The following L3MBTL3 variants were observed in gnomAD, a reference collection of about 807,000 sequenced individuals.
The protein encoded by L3MBTL3 is L3MBTL histone methyl-lysine binding protein 3.
In L3MBTL3, 27 loss-of-function variants were observed where a neutral mutation model predicts 102.3. That is an observed-to-expected ratio of 0.26 (90% CI 0.19 to 0.36). The LOEUF (loss-of-function observed/expected upper bound fraction) is 0.36, where lower values mean the gene tolerates loss of function less well. Among genes scored for constraint, L3MBTL3 ranks in the 10% least tolerant of loss-of-function variants. The probability of loss-of-function intolerance (pLI) is 1.00; values close to 1 mark genes in which losing one functional copy is unlikely to be tolerated. For synonymous variants in L3MBTL3, 340 were observed against 320.9 expected, an observed-to-expected ratio of 1.06 and a Z score of -0.64; for missense variants, 798 against 955.3, an observed-to-expected ratio of 0.84 and a Z score of 2.17.
intron 12 of L3MBTL3, among the ~76,000 whole-genome samples, chr6:130,068,651 A>G (rs868036230): frequency 6.6e-6 from 1 of 152,224 alleles, no homozygotes; most frequent in East Asian, 1.9e-4. Context: ...ACAAGATAGT[A>G]CAAGATTCAG....
At chr6:130,137,934 A>T (rs953141586) in intron 22 of L3MBTL3, 6 of 152,208 alleles carry the variant, frequency 3.9e-5, no homozygotes, top group African/African-American at 1.4e-4. Context: ...ACAGGAGAAC[A>T]TTTCTCATAC....
intron 20 of L3MBTL3, among the ~76,000 whole-genome samples, chr6:130,122,844 C>T (rs576131363): frequency 6.6e-6 from 1 of 152,178 alleles, no homozygotes; most frequent in Non-Finnish European, 1.5e-5. Flanking sequence ...TCAGTTTCGT[C>T]TTGTGTAAAA....
At chr6:130,112,096 G>A (rs976039142) in intron 19 of L3MBTL3, among the ~76,000 whole-genome samples, 3 of 152,058 alleles carry the variant, frequency 2.0e-5, no homozygotes, top group African/African-American at 7.2e-5. Flanking sequence ...CTTTCCTCAG[G>A]GAAGCTTTAT....
chr6:130,071,041 A>C lies in L3MBTL3; in HGVS notation c.1158A>C (p.Ser386=), dbSNP rs757580564. The part of the protein sequence containing the change: ...KLEAVDKKNP[S]FICVATVTDM... ...AGGCAGTAGACAAAAAGAATCCCTC[A>C]TTCATCTGTGTTGCTACGGTAACAG... is the stretch of plus-strand genomic sequence containing the variant. The change falls in exon 13 of 23, where the codon TCA becomes TCC. Residue 386 remains serine (S), a synonymous_variant. Transcript: ENST00000361794. 1 of 1,613,274 alleles carries C rather than the reference A, an allele frequency of 6.2e-7. No homozygotes were observed. Among genetic ancestry groups the C allele is most frequent in the South Asian group, 1.1e-5 (1 of 91,050 alleles).
At chr6:130,087,313 A>G (rs1783747000) in intron 16 of L3MBTL3, among the ~76,000 whole-genome samples, 2 of 152,274 alleles carry the variant, frequency 1.3e-5, no homozygotes, top group South Asian at 4.1e-4. Flanking sequence ...TGTGCTAACC[A>G]TATTTTCAAG....
Position 130,042,741 on chromosome 6 carries a change from T to C in L3MBTL3, c.42T>C (p.Asp14=), listed in dbSNP as rs1236495288. Residue 14 remains aspartate, a synonymous_variant, in exon 3 of 23, where the codon GAT becomes GAC. Coordinates refer to ENST00000361794, the MANE Select transcript of L3MBTL3 (RefSeq NM_032438.4). ...SASSTSGQEF[D]VFSVMDWKDG... The stretch of plus-strand genomic sequence containing the variant: ...CTAGCACAAGTGGTCAAGAGTTTGA[T>C]GTGTTCAGTGTTATGGACTGGAAAG... 3.1e-6 allele frequency: 5 copies of C among 1,613,790 alleles called. No individual in the cohort carries two copies. The highest frequency in any genetic ancestry group is 4.2e-6 in the Non-Finnish European group (5 of 1,179,754).
At chr6:130,139,472 A>G (rs965905220) in intron 22 of L3MBTL3, 138 bp from the exon 23 acceptor site, 14 of 728,588 alleles carry the variant, frequency 1.9e-5, no homozygotes, top group Non-Finnish European at 3.0e-5. Flanking sequence ...ATATCAAGAA[A>G]TGTCATTGCA....
intron 6 of L3MBTL3, among the ~76,000 whole-genome samples, 195 bp downstream of exon 6, chr6:130,051,603 T>C (rs1024022009): frequency 4.6e-5 from 7 of 152,154 alleles, no homozygotes; most frequent in African/African-American, 1.7e-4. Context: ...CTGGTCTGAG[T>C]TGTATTACTA....
intron 3 of L3MBTL3, among the ~76,000 whole-genome samples, chr6:130,048,611 GT>G (rs1421692715): frequency 6.6e-6 from 1 of 152,208 alleles, no homozygotes; most frequent in Non-Finnish European, 1.5e-5. Flanking sequence ...CATGTAGCTA[GT>G]AGACTACTTG....
At position 130,051,133 on chromosome 6, in the gene L3MBTL3, G is replaced by T. The variant is rs530208417; in HGVS notation, c.290-116G>T. 11 of 788,286 alleles carry T rather than the reference G, an allele frequency of 1.4e-5. No homozygotes were observed. In the South Asian group the frequency reaches 2.0e-4, roughly 14 times the overall value. 48.8% of individuals were successfully genotyped at this position (788,286 alleles called of 1,614,324 possible). A position where few individuals can be genotyped will look rare whatever the true frequency, so the allele number is the denominator to read the frequency against. On this transcript the variant is annotated intron_variant, in intron 5 of 22. Coordinates refer to ENST00000361794, the MANE Select transcript of L3MBTL3 (RefSeq NM_032438.4). ...TATCATTTGATCATTCATTCATTCAGCAAACACTATTCTTTATTGTGTTGC... is the reference window on the plus strand; with the variant it reads ...TATCATTTGATCATTCATTCATTCATCAAACACTATTCTTTATTGTGTTGC...
intron 20 of L3MBTL3, among the ~76,000 whole-genome samples, chr6:130,127,536 T>C (rs1786692464): frequency 6.6e-6 from 1 of 152,204 alleles, no homozygotes; most frequent in East Asian, 1.9e-4. Context: ...AATTGCTGAA[T>C]GAAGAACTTT....
At chr6:130,059,941 G>T (rs1475442944) in intron 9 of L3MBTL3, 95 bp from the exon 10 acceptor site, 5 of 636,174 alleles carry the variant, frequency 7.9e-6, no homozygotes, top group East Asian at 6.0e-5. Context: ...TATGTATTTG[G>T]TTAAATAGTC....
At chr6:130,139,550 AT>A in intron 22 of L3MBTL3, 59 bp from the exon 23 acceptor site, 1 of 1,505,286 alleles carries the variant, frequency 6.6e-7, no homozygotes, top group Non-Finnish European at 9.2e-7. Context: ...AACCTTGAAT[AT>A]TTTCTACAAC....
intron 3 of L3MBTL3, among the ~76,000 whole-genome samples, chr6:130,044,993 A>G (rs1218209614): frequency 6.6e-6 from 1 of 152,206 alleles, no homozygotes; most frequent in Admixed American, 6.5e-5. Context: ...CAGTTAATAT[A>G]GTCAGCAAAT....
chr6:130,035,390 G>T (rs1437571361), intron 2 of L3MBTL3, among the ~76,000 whole-genome samples: 1 of 152,198 alleles, frequency 6.6e-6, no homozygotes, highest in South Asian at 2.1e-4. Context: ...GGGAGAGTCA[G>T]GTTTCACAAC....
At chr6:130,074,952 T>C (rs1782859336) in intron 13 of L3MBTL3, among the ~76,000 whole-genome samples, 1 of 152,236 alleles carries the variant, frequency 6.6e-6, no homozygotes, top group Non-Finnish European at 1.5e-5. Flanking sequence ...GAATCTCTTT[T>C]ACATTTACAG....
chr6:130,048,756 C>G (rs139466110), intron 3 of L3MBTL3, among the ~76,000 whole-genome samples: 1 of 152,264 alleles, frequency 6.6e-6, no homozygotes, highest in African/African-American at 2.4e-5. Flanking sequence ...CTTCTGTGCT[C>G]ACTTCTTGGA....
intron 13 of L3MBTL3, among the ~76,000 whole-genome samples, chr6:130,077,575 G>A (rs138164125): frequency 6.2e-4 from 94 of 152,324 alleles, no homozygotes; most frequent in Non-Finnish European, 1.2e-3. Flanking sequence ...ATGTATTATT[G>A]TCCCAGGCTG....
intron 19 of L3MBTL3, among the ~76,000 whole-genome samples, chr6:130,118,700 T>C (rs561368452): frequency 2.2e-3 from 328 of 152,362 alleles, no homozygotes; most frequent in Non-Finnish European, 3.9e-3. Flanking sequence ...CAGGTTTGTA[T>C]GGGTCCAATT....
Sources: allele counts gnomAD v4.1 joint callset (sites outside exome capture counted in the v4.1 genomes callset), GRCh38; gene constraint gnomAD v4.1.1; transcripts MANE v1.5; gene names NCBI Gene and HGNC (gene_info 2026-07-23, HGNC 2026-07-21).